The following DAPK1 variants were observed in gnomAD, a reference collection of about 807,000 sequenced individuals.
DAPK1 encodes the protein death associated protein kinase 1.
A neutral mutation model predicts 144.9 loss-of-function variants in DAPK1; 56 were observed. That is an observed-to-expected ratio of 0.39 (90% CI 0.31 to 0.48). The LOEUF (loss-of-function observed/expected upper bound fraction) is 0.48. Ranked by LOEUF, DAPK1 falls within the 20% of genes least tolerant of loss-of-function variation. DAPK1 has a pLI of 0.95. For missense variants in DAPK1, 1,454 were observed against 1,875.4 expected (o/e 0.78, Z 4.15); for synonymous variants, 690 against 749.0 (o/e 0.92, Z 1.29).
chr9:87,547,528 T>G (rs71508564), intron 2 of DAPK1, among the ~76,000 whole-genome samples: 6,741 of 152,186 alleles, frequency 0.044, 236 homozygotes, highest in Middle Eastern at 0.099. Context: ...GCTACATGTA[T>G]TAGGATTCTC....
intron 3 of DAPK1, among the ~76,000 whole-genome samples, chr9:87,626,542 G>A (rs779949377): frequency 3.9e-5 from 6 of 152,180 alleles, no homozygotes; most frequent in Non-Finnish European, 7.4e-5. Flanking sequence ...GCCTGCAACC[G>A]AGCATCACCT....
intron 3 of DAPK1, among the ~76,000 whole-genome samples, chr9:87,618,110 T>C (rs1454691559): frequency 6.6e-6 from 1 of 152,230 alleles, no homozygotes; most frequent in East Asian, 1.9e-4. Flanking sequence ...CCTGTTGAGC[T>C]CACCCCTGGA....
chr9:87,505,235 C>T (rs1824541872), intron 2 of DAPK1, among the ~76,000 whole-genome samples: 1 of 152,158 alleles, frequency 6.6e-6, no homozygotes, highest in African/African-American at 2.4e-5. Context: ...GAGTACCTAA[C>T]ATTTTGTATA....
At chr9:87,626,569 A>G (rs1829503050) in intron 3 of DAPK1, among the ~76,000 whole-genome samples, 1 of 152,176 alleles carries the variant, frequency 6.6e-6, no homozygotes, top group South Asian at 2.1e-4. Context: ...AGAAATTCCA[A>G]ACTGGGCTAG....
rs1587759014 is a variant in DAPK1, at chr9:87,603,738, G to C, written c.63-1216G>C. 2.6e-5 allele frequency among the ~76,000 whole-genome samples: 4 copies of C among 152,296 alleles called. No homozygotes were observed. The East Asian group carries it at 7.7e-4, about 29-fold the overall frequency. On this transcript the variant is annotated intron_variant, in intron 2 of 25. Transcript: ENST00000408954. ...AATCGACCCTTCCTTGGGCACTAGG[G>C]AAGAACGAAGGGCACCAGCATGGGG... is the stretch of plus-strand genomic sequence containing the variant.
At chr9:87,576,264 A>G (rs1827556553) in intron 2 of DAPK1, among the ~76,000 whole-genome samples, 1 of 152,246 alleles carries the variant, frequency 6.6e-6, no homozygotes, top group Admixed American at 6.5e-5. Context: ...AGCTGAGCAG[A>G]TGTTTTCCTG....
chr9:87,597,019 C>T (rs150980333), intron 2 of DAPK1, among the ~76,000 whole-genome samples: 65 of 152,246 alleles, frequency 4.3e-4, no homozygotes, highest in African/African-American at 1.5e-3. Flanking sequence ...CTGCTGTCAG[C>T]TCAGCTGGAG....
chr9:87,615,498 G>T (rs534072424), intron 3 of DAPK1, among the ~76,000 whole-genome samples: 1 of 152,358 alleles, frequency 6.6e-6, no homozygotes, highest in South Asian at 2.1e-4. Flanking sequence ...GACGACAGAA[G>T]TGTCATTGAC....
chr9:87,641,925 A>G (rs1295254734), intron 9 of DAPK1, 44 bp from the exon 10 acceptor site: 1 of 1,520,860 alleles, frequency 6.6e-7, no homozygotes, highest in South Asian at 1.2e-5. Flanking sequence ...ACACATTTTC[A>G]TAATTTGAGA....
chr9:87,637,307 T>C (rs961096782), intron 3 of DAPK1, among the ~76,000 whole-genome samples: 6 of 152,112 alleles, frequency 3.9e-5, no homozygotes, highest in African/African-American at 9.7e-5. Context: ...TTGGCCAGGA[T>C]GGTCTCGATC....
At chr9:87,591,930 G>C (rs562676705) in intron 2 of DAPK1, among the ~76,000 whole-genome samples, 8 of 152,220 alleles carry the variant, frequency 5.3e-5, no homozygotes, top group African/African-American at 1.9e-4. Context: ...CCCTGGAGTA[G>C]AAAGTCTAAA....
chr9:87,702,069 G>C (rs1041548475), intron 24 of DAPK1, among the ~76,000 whole-genome samples: 1 of 152,124 alleles, frequency 6.6e-6, no homozygotes, highest in East Asian at 1.9e-4. Flanking sequence ...CTGGGCTCTG[G>C]CATGATCTGC....
intron 2 of DAPK1, among the ~76,000 whole-genome samples, chr9:87,555,229 C>A (rs1400739705): frequency 6.6e-6 from 1 of 152,226 alleles, no homozygotes; most frequent in Non-Finnish European, 1.5e-5. Context: ...ATCTAGCTGT[C>A]CCGTTAGGGC....
At chr9:87,569,117 C>T (rs1303695111) in intron 2 of DAPK1, among the ~76,000 whole-genome samples, 3 of 152,050 alleles carry the variant, frequency 2.0e-5, no homozygotes, top group Non-Finnish European at 4.4e-5. Context: ...TTGGGGAATC[C>T]CTCTGAACTT....
intron 19 of DAPK1, among the ~76,000 whole-genome samples, chr9:87,676,888 C>G (rs182619067): frequency 2.6e-5 from 4 of 152,342 alleles, no homozygotes; most frequent in East Asian, 3.9e-4. Flanking sequence ...TTCTGAGGAA[C>G]CTGCCACCTC....
rs1469548588 is a variant in DAPK1 at position 87,668,841 on chromosome 9, A to G, written c.2001+167A>G. ...ACATGTCAGTCGGTATAAATGCATC[A>G]GCTCCCTATCTGTTTTCTTCTCTAT... On this transcript the variant is annotated intron_variant, in intron 19 of 25. Coordinates refer to ENST00000408954, the MANE Select transcript of DAPK1 (RefSeq NM_004938.4). 1.1e-5 allele frequency: 7 copies of G among 619,248 alleles called. No homozygotes were observed. In the Admixed American group the frequency reaches 2.0e-4, roughly 18 times the overall value. The allele number at this position is 619,248 out of a possible 1,614,324, so 38.4% of individuals were successfully genotyped here.
intron 2 of DAPK1, among the ~76,000 whole-genome samples, chr9:87,528,823 G>A (rs1167185363): frequency 6.3e-5 from 9 of 142,060 alleles, no homozygotes; most frequent in Admixed American, 5.2e-4. Flanking sequence ...AGTGAACCGA[G>A]ATCGCGCCAC....
intron 3 of DAPK1, among the ~76,000 whole-genome samples, chr9:87,619,429 G>A (rs962944710): frequency 2.0e-5 from 3 of 152,142 alleles, no homozygotes; most frequent in East Asian, 1.9e-4. Flanking sequence ...ATTCTGTCAG[G>A]GAGACTGGCT....
At chr9:87,583,142 G>T (rs1282926782) in intron 2 of DAPK1, among the ~76,000 whole-genome samples, 38 of 152,154 alleles carry the variant, frequency 2.5e-4, no homozygotes, top group Non-Finnish European at 1.5e-5. Flanking sequence ...TAAGGAGAAA[G>T]ACTCTTAAGA....
Sources: allele counts gnomAD v4.1 joint callset (sites outside exome capture counted in the v4.1 genomes callset), GRCh38; gene constraint gnomAD v4.1.1; transcripts MANE v1.5; gene names NCBI Gene and HGNC (gene_info 2026-07-23, HGNC 2026-07-21).